Variants in SMYD3 observed in about 807,000 individuals in gnomAD.
SMYD3 encodes SET and MYND domain containing 3.
In SMYD3, 36 loss-of-function variants were observed where a neutral mutation model predicts 57.7. That is an observed-to-expected ratio of 0.62 (90% CI 0.48 to 0.82). SMYD3 has a LOEUF of 0.82. SMYD3 is among the 40% of genes least tolerant of loss of function. The pLI, the probability that SMYD3 is intolerant of heterozygous loss-of-function variation, is 0.00. For missense variants in SMYD3, 515 were observed against 538.8 expected (o/e 0.96, Z 0.44); for synonymous variants, 211 against 195.0 (o/e 1.08, Z -0.68).
At chr1:246,378,742 T>TA (rs2066326009) in intron 1 of SMYD3, among the ~76,000 whole-genome samples, 1 of 102,138 alleles carries the variant, frequency 9.8e-6, no homozygotes, top group Non-Finnish European at 1.8e-5. Flanking sequence ...TTATATATAA[T>TA]TATATATAAT....
chr1:246,169,451 A>T (rs1326099501), intron 5 of SMYD3, among the ~76,000 whole-genome samples: 3 of 150,290 alleles, frequency 2.0e-5, no homozygotes, highest in African/African-American at 7.3e-5. Context: ...AAGCTGGACT[A>T]TCTAAGAAAC....
At chr1:246,436,680 T>C (rs373571433) in intron 1 of SMYD3, among the ~76,000 whole-genome samples, 2 of 152,170 alleles carry the variant, frequency 1.3e-5, no homozygotes, top group Non-Finnish European at 2.9e-5. Context: ...AAGGTAAAGA[T>C]GTATTTAGAT....
At chr1:246,399,011 ATTTTT>A (rs1274966133) in intron 1 of SMYD3, among the ~76,000 whole-genome samples, 1 of 152,020 alleles carries the variant, frequency 6.6e-6, no homozygotes, top group African/African-American at 2.4e-5. Context: ...CATATATTTT[ATTTTT>A]ATTTTATCTT....
At chr1:246,257,579 T>C (rs1296603452) in intron 5 of SMYD3, among the ~76,000 whole-genome samples, 1 of 152,252 alleles carries the variant, frequency 6.6e-6, no homozygotes, top group Admixed American at 6.5e-5. Flanking sequence ...TCAAACTTGC[T>C]ACTCTGTGCC....
intron 5 of SMYD3, among the ~76,000 whole-genome samples, chr1:246,311,527 T>A (rs1215162778): frequency 2.6e-5 from 4 of 152,260 alleles, no homozygotes; most frequent in Non-Finnish European, 4.4e-5. Flanking sequence ...CTACTGCTAA[T>A]GATTATTATT....
rs558965165 is a variant in SMYD3, at chr1:245,939,003, G to A, written c.532-9066C>T. On this transcript the variant is annotated intron_variant, in intron 5 of 11. Transcript: ENST00000490107. Reference sequence around the variant, plus strand: ...TCTACTAAAAATACAAAAATTAGCCGGGCGTGGTGGCCTGAGGCTATATTC... The same window carrying A: ...TCTACTAAAAATACAAAAATTAGCCAGGCGTGGTGGCCTGAGGCTATATTC... Among the ~76,000 whole-genome samples, 38 of 151,654 alleles carry A rather than the reference G, an allele frequency of 2.5e-4. 1 individual carries two copies. Among genetic ancestry groups the A allele is most frequent in the Non-Finnish European group, 1.3e-4 (9 of 67,918 alleles).
At chr1:246,298,129 C>T (rs2064828208) in intron 5 of SMYD3, among the ~76,000 whole-genome samples, 1 of 151,922 alleles carries the variant, frequency 6.6e-6, no homozygotes. Context: ...TATAAACCTG[C>T]AGGTTCACAG....
intron 5 of SMYD3, among the ~76,000 whole-genome samples, chr1:245,999,160 AC>A (rs1172067694): frequency 2.6e-5 from 4 of 152,120 alleles, no homozygotes; most frequent in African/African-American, 9.7e-5. Context: ...ATATTTTACC[AC>A]CAAAAAAAAC....
intron 5 of SMYD3, among the ~76,000 whole-genome samples, chr1:245,997,423 ATCCT>A (rs1228828893): frequency 6.6e-6 from 1 of 152,246 alleles, no homozygotes; most frequent in Non-Finnish European, 1.5e-5. Flanking sequence ...CACAGAAGAC[ATCCT>A]TCCTCCTCAA....
At chr1:245,868,290 G>A (rs1262592869) in intron 8 of SMYD3, among the ~76,000 whole-genome samples, 1 of 152,172 alleles carries the variant, frequency 6.6e-6, no homozygotes, top group African/African-American at 2.4e-5. Flanking sequence ...TGGCTCCAAA[G>A]CCCATGCTCT....
chr1:246,506,778 A>G (rs910833149), intron 1 of SMYD3, among the ~76,000 whole-genome samples: 23 of 152,130 alleles, frequency 1.5e-4, no homozygotes, highest in Non-Finnish European at 1.0e-4. Context: ...AGTCTGCCCA[A>G]TGGCTTTCCC....
intron 5 of SMYD3, among the ~76,000 whole-genome samples, chr1:246,159,175 G>A (rs144067562): frequency 1.8e-4 from 27 of 152,216 alleles, no homozygotes; most frequent in East Asian, 3.9e-4. Flanking sequence ...TGTAATAGCC[G>A]GAGTTAAATT....
rs112714955 is a variant in SMYD3 at position 246,083,189 on chromosome 1, T to C, written c.532-153252A>G. 5.2e-3 allele frequency among the ~76,000 whole-genome samples: 761 copies of C among 145,796 alleles called. 10 individuals are homozygous for C. Among genetic ancestry groups the C allele is most frequent in the African/African-American group, 0.016 (629 of 40,194 alleles). ...TAAGAGGAAGGCATCTGTCTCCTGC[T>C]CGTCCCTGGGCAATGGAATGTCTCC... is the stretch of plus-strand genomic sequence containing the variant. On this transcript the variant is annotated intron_variant, in intron 5 of 11. Coordinates refer to ENST00000490107, the MANE Select transcript of SMYD3 (RefSeq NM_001167740.2).
chr1:245,960,742 A>AATAAATAAATAC (rs2057981646), intron 5 of SMYD3, among the ~76,000 whole-genome samples: 1 of 151,980 alleles, frequency 6.6e-6, no homozygotes, highest in Non-Finnish European at 1.5e-5. Context: ...TAAATAAATA[A>AATAAATAAATAC]ATAAATAAAT....
intron 5 of SMYD3, among the ~76,000 whole-genome samples, chr1:246,069,711 T>A (rs2060409718): frequency 6.6e-6 from 1 of 152,120 alleles, no homozygotes; most frequent in African/African-American, 2.4e-5. Flanking sequence ...TCCAAACCCT[T>A]TGTGGCTTCC....
intron 1 of SMYD3, among the ~76,000 whole-genome samples, chr1:246,501,667 C>G (rs1366538532): frequency 6.6e-6 from 1 of 152,196 alleles, no homozygotes; most frequent in South Asian, 2.1e-4. Flanking sequence ...ACTTCAACTT[C>G]CCGTCCCCTC....
intron 1 of SMYD3, among the ~76,000 whole-genome samples, chr1:246,368,938 T>G (rs1361690356): frequency 1.3e-5 from 2 of 152,186 alleles, no homozygotes; most frequent in African/African-American, 4.8e-5. Flanking sequence ...GTGAGTTAAT[T>G]CTTAATAAAC....
chr1:246,463,422 G>C (rs2067831460), intron 1 of SMYD3, among the ~76,000 whole-genome samples: 1 of 152,058 alleles, frequency 6.6e-6, no homozygotes, highest in South Asian at 2.1e-4. Flanking sequence ...AGGTAGGAGA[G>C]AAGCAAATTT....
chr1:246,038,114 A>T (rs1238042742), intron 5 of SMYD3, among the ~76,000 whole-genome samples: 1 of 152,218 alleles, frequency 6.6e-6, no homozygotes, highest in Non-Finnish European at 1.5e-5. Context: ...GCATTAGGGA[A>T]ATTATCTTTT....
Sources: allele counts gnomAD v4.1 joint callset (sites outside exome capture counted in the v4.1 genomes callset), GRCh38; gene constraint gnomAD v4.1.1; transcripts MANE v1.5; gene names NCBI Gene and HGNC (gene_info 2026-07-23, HGNC 2026-07-21).